Variants in PKD1L3 observed in about 807,000 individuals in gnomAD.
PKD1L3 encodes the protein polycystin 1 like 3, transient receptor potential channel interacting.
In PKD1L3, 239 loss-of-function variants were observed where a neutral mutation model predicts 184.1. The ratio of observed to expected loss-of-function variants is 1.30; its 90% CI spans 1.17 to 1.45. The LOEUF is 1.45. Ranked by LOEUF, PKD1L3 falls within the 40% of genes most tolerant of loss-of-function variation. The pLI is 0.00. For missense variants in PKD1L3, 2,660 were observed against 2,067.2 expected, an observed-to-expected ratio of 1.29 and a Z score of -5.56; for synonymous variants, 996 against 778.8, an observed-to-expected ratio of 1.28 and a Z score of -4.64.
At chr16:71,964,982 G>C (rs1473928604) in intron 15 of PKD1L3, among the ~76,000 whole-genome samples, 2 of 151,926 alleles carry the variant, frequency 1.3e-5, no homozygotes, top group African/African-American at 4.8e-5. Context: ...AAGTAGCTGG[G>C]AGTACAGGCA....
chr16:71,933,316 T>C, intron 28 of PKD1L3, 104 bp downstream of exon 28: 1 of 820,418 alleles, frequency 1.2e-6, no homozygotes. Flanking sequence ...TTTCCCCCTT[T>C]TCCAGTGTGC....
chr16:71,971,617 T>C (rs1387428213), intron 12 of PKD1L3, among the ~76,000 whole-genome samples: 1 of 152,210 alleles, frequency 6.6e-6, no homozygotes, highest in Non-Finnish European at 1.5e-5. Flanking sequence ...CTCTCAAGCT[T>C]CTCTACTCAA....
chr16:71,929,581 G>GTC lies in PKD1L3; in HGVS notation c.5154_5155dup (p.Thr1719ArgfsTer11). 1.3e-6 allele frequency: 2 copies of GTC among 1,551,786 alleles called. No individual in the cohort carries two copies. Among genetic ancestry groups the GTC allele is most frequent in the Non-Finnish European group, 1.7e-6 (2 of 1,147,002 alleles). On this transcript the variant is annotated frameshift_variant, in exon 30 of 30. Transcript: ENST00000620267. LOFTEE classifies it low-confidence loss of function (END_TRUNC). ...AACTTCAGTGTCACTGCCCACTGCT[G>GTC]TCGTGGCTGCTTGCTCAGATGAGGT...
chr16:71,977,567 T>TCC, intron 10 of PKD1L3, 100 bp from the exon 11 acceptor site: 3 of 933,380 alleles, frequency 3.2e-6, no homozygotes, highest in Non-Finnish European at 3.1e-6. Flanking sequence ...GCTCTTTTTT[T>TCC]TTTTTTTTTT....
At chr16:71,958,113 C>A (rs189819359) in intron 16 of PKD1L3, among the ~76,000 whole-genome samples, 1 of 151,612 alleles carries the variant, frequency 6.6e-6, no homozygotes, top group African/African-American at 2.4e-5. Flanking sequence ...CACGGCCGGG[C>A]GCGGTGGCTC....
intron 28 of PKD1L3, chr16:71,930,941 C>G (rs1051078335): frequency 6.6e-6 from 1 of 152,142 alleles, no homozygotes; most frequent in Admixed American, 6.6e-5. Flanking sequence ...TATTTTCAAG[C>G]ACCAAACTGT....
intron 3 of PKD1L3, among the ~76,000 whole-genome samples, chr16:71,992,175 G>T (rs1161330424): frequency 2.6e-5 from 4 of 152,104 alleles, no homozygotes; most frequent in African/African-American, 9.7e-5. Context: ...GGGAGATCCA[G>T]CCCGCAAACT....
chr16:71,956,591 A>G (rs1298250297), intron 16 of PKD1L3, among the ~76,000 whole-genome samples: 1 of 152,186 alleles, frequency 6.6e-6, no homozygotes, highest in Non-Finnish European at 1.5e-5. Flanking sequence ...CAAATACTGT[A>G]TGGTTCTGCT....
chr16:71,991,517 G>A (rs1330378619), intron 3 of PKD1L3, among the ~76,000 whole-genome samples: 1 of 152,158 alleles, frequency 6.6e-6, no homozygotes, highest in Non-Finnish European at 1.5e-5. Flanking sequence ...AGCAGATGTG[G>A]AAAAATTAGT....
intron 3 of PKD1L3, among the ~76,000 whole-genome samples, chr16:71,992,907 G>C (rs60257110): frequency 0.041 from 6,232 of 152,212 alleles, 414 homozygotes; most frequent in African/African-American, 0.14. Context: ...ATAAACAAGT[G>C]ATAACACCAT....
chr16:71,967,144 G>T lies in PKD1L3; in HGVS notation c.2458C>A (p.Pro820Thr). ...CAGGATATAAGTACTCACCAGGAGGGACTGACGCCAGAATTGTCATGCCAG... is the reference window on the plus strand; with the variant it reads ...CAGGATATAAGTACTCACCAGGAGGTACTGACGCCAGAATTGTCATGCCAG... ...RLWHDNSGVSPSWYVSQVIVC... is the reference protein window; with the variant it reads ...RLWHDNSGVSTSWYVSQVIVC... The change falls in exon 15 of 30, where the codon CCC becomes ACC. Residue 820 changes from proline to threonine, a missense_variant. Physicochemically the swap from Pro to Thr is conservative, Grantham distance 38 (BLOSUM62 -1). Transcript: ENST00000620267. The T allele has an allele frequency of 6.4e-7, 1 of 1,551,522 alleles. No individual in the cohort carries two copies. Among genetic ancestry groups the T allele is most frequent in the South Asian group, 1.2e-5 (1 of 84,048 alleles).
chr16:71,935,227 C>A, intron 26 of PKD1L3, 131 bp downstream of exon 26: 1 of 1,015,360 alleles, frequency 9.8e-7, no homozygotes, highest in Non-Finnish European at 1.4e-6. Context: ...GGACATGAGT[C>A]CAAGTTCTCT....
chr16:71,969,861 CAA>C lies in PKD1L3; in HGVS notation c.2184+12_2184+13del. On this transcript the variant is annotated intron_variant, in intron 13 of 29. Transcript: ENST00000620267. ...AACATCATGGCAAATCTGTTGAAATCAAAGTCTCATTACCTTCTGCATATCTG... is the reference window on the plus strand; with the variant it reads ...AACATCATGGCAAATCTGTTGAAATCAGTCTCATTACCTTCTGCATATCTG... 4 of 1,530,994 alleles carry C rather than the reference CAA, an allele frequency of 2.6e-6. No individual in the cohort carries two copies. The highest frequency in any genetic ancestry group is 3.5e-6 in the Non-Finnish European group (4 of 1,132,480). The allele number at this position is 1,530,994 out of a possible 1,614,324, so 94.8% of individuals were successfully genotyped here.
intron 16 of PKD1L3, 48 bp from the exon 17 acceptor site, chr16:71,954,349 A>T: frequency 7.1e-7 from 1 of 1,410,558 alleles, no homozygotes; most frequent in Non-Finnish European, 9.5e-7. Context: ...TTATTCTGAA[A>T]GTGCACCAGT....
chr16:71,965,183 A>C (rs1226986754), intron 15 of PKD1L3, among the ~76,000 whole-genome samples: 1 of 152,168 alleles, frequency 6.6e-6, no homozygotes, highest in Non-Finnish European at 1.5e-5. Flanking sequence ...TTCACTAAGC[A>C]TAATTTAAAA....
At chr16:71,990,232 C>A in intron 4 of PKD1L3, 48 bp downstream of exon 4, 2 of 1,450,992 alleles carry the variant, frequency 1.4e-6, no homozygotes, top group Non-Finnish European at 9.4e-7. Context: ...CTAGGTATGA[C>A]AAAGAGATCA....
chr16:71,980,089 C>T lies in PKD1L3; in HGVS notation c.1189G>A (p.Gly397Arg), dbSNP rs770642670. The T allele has an allele frequency of 1.9e-5, 29 of 1,551,678 alleles. 1 individual carries two copies. Among genetic ancestry groups the T allele is most frequent in the Middle Eastern group, 1.7e-4 (1 of 5,994 alleles). ...EMSLVEFGNI[G>R]EAFLEQNQSP... Reference sequence around the variant, plus strand: ...TGGTTCTGCTCTAGAAATGCTTCCCCGATATTCCCAAACTCCACCAAGGAC... The same window carrying T: ...TGGTTCTGCTCTAGAAATGCTTCCCTGATATTCCCAAACTCCACCAAGGAC... The change falls in exon 8 of 30, where the codon GGG becomes AGG. Residue 397 changes from glycine to arginine, a missense_variant. Gly to Arg is a moderately radical substitution (Grantham distance 125, BLOSUM62 -2). Transcript: ENST00000620267.
intron 22 of PKD1L3, among the ~76,000 whole-genome samples, chr16:71,945,965 T>G (rs1340332600): frequency 6.6e-6 from 1 of 152,130 alleles, no homozygotes; most frequent in African/African-American, 2.4e-5. Context: ...AGGCAATTTA[T>G]TATTATTTTT....
At chr16:71,965,483 T>G (rs1037584370) in intron 15 of PKD1L3, among the ~76,000 whole-genome samples, 4 of 152,112 alleles carry the variant, frequency 2.6e-5, no homozygotes. Context: ...GCCATACCAT[T>G]TTACACTCTC....
Sources: gnomAD v4.1 joint callset for allele counts (sites outside exome capture counted in the v4.1 genomes callset) on GRCh38, gnomAD v4.1.1 for gene constraint, MANE v1.5 for transcripts, NCBI Gene and HGNC (gene_info 2026-07-23, HGNC 2026-07-21) for gene names.